SPTBN5: variants seen among roughly 807,000 people sequenced by gnomAD.
SPTBN5 encodes spectrin beta, non-erythrocytic 5.
A neutral mutation model predicts 477.6 loss-of-function variants in SPTBN5; 513 were observed. The ratio of observed to expected loss-of-function variants is 1.07; its 90% CI spans 1.00 to 1.16. The LOEUF is 1.16. SPTBN5 is among the 50% of genes most tolerant of loss of function. The pLI, the probability that SPTBN5 is intolerant of heterozygous loss-of-function variation, is 0.00. For missense variants in SPTBN5, 5,062 were observed against 4,731.8 expected (o/e 1.07, Z -2.05); for synonymous variants, 2,169 against 2,011.7 (o/e 1.08, Z -2.09).
chr15:41,870,263 G>C lies in SPTBN5; in HGVS notation c.5653C>G (p.Leu1885Val), dbSNP rs780863979. Residue 1885 changes from leucine (L) to valine (V), a missense_variant, in exon 31 of 68, where the codon CTC (leucine) becomes GTC (valine). Coordinates refer to ENST00000320955, the MANE Select transcript of SPTBN5 (RefSeq NM_016642.4). ...CTCACCTGCCGCTCGGTGCCCACGA[G>C]TTCTCGCTCCAGCCCCTGGTGGCTT... ...LRSHQGLERE[L>V]VGTERQLQEL... 2.2e-5 allele frequency: 34 copies of C among 1,551,054 alleles called. No individual in the cohort carries two copies. The highest frequency in any genetic ancestry group is 3.5e-6 in the Non-Finnish European group (4 of 1,147,574).
At chr15:41,886,582 G>A (rs1387503540) in intron 6 of SPTBN5, among the ~76,000 whole-genome samples, 1 of 152,198 alleles carries the variant, frequency 6.6e-6, no homozygotes, top group Non-Finnish European at 1.5e-5. Context: ...CTGAGGGTGA[G>A]GCTATCCTGC....
chr15:41,873,425 G>C (rs1469324252), intron 26 of SPTBN5, 67 bp downstream of exon 26: 1 of 1,225,636 alleles, frequency 8.2e-7, no homozygotes, highest in Non-Finnish European at 1.2e-6. Flanking sequence ...GAGGGAGGGT[G>C]ACAGCCCTCT....
In SPTBN5 at chr15:41,858,727, TCTCC is replaced by T; in HGVS notation, c.8097_8100del (p.Glu2700ArgfsTer110). 2 of 1,610,014 alleles carry T rather than the reference TCTCC, an allele frequency of 1.2e-6. No homozygotes were observed. Among genetic ancestry groups the T allele is most frequent in the Non-Finnish European group, 1.7e-6 (2 of 1,178,782 alleles). ...CCCTCCTCCAAGGCCACCAGGTTCTTCTCCCTCAGCCACGCAGCCACCTGGGCAC... is the reference window on the plus strand; with the variant it reads ...CCCTCCTCCAAGGCCACCAGGTTCTTCTCAGCCACGCAGCCACCTGGGCAC... On this transcript the variant is annotated frameshift_variant, in exon 49 of 68. Coordinates refer to ENST00000320955, the MANE Select transcript of SPTBN5 (RefSeq NM_016642.4). LOFTEE classifies it high-confidence loss of function.
chr15:41,855,494 A>G (rs2065906548), intron 54 of SPTBN5, 55 bp downstream of exon 54: 2 of 1,594,242 alleles, frequency 1.3e-6, no homozygotes, highest in Non-Finnish European at 1.7e-6. Context: ...GTCTCCTGCC[A>G]TCTCTGTAGG....
chr15:41,875,403 C>T, intron 22 of SPTBN5, 55 bp downstream of exon 22: 1 of 1,567,932 alleles, frequency 6.4e-7, no homozygotes, highest in East Asian at 2.3e-5. Flanking sequence ...CCGTTCTGTC[C>T]AGCCCAGCCA....
chr15:41,878,701 C>T, intron 16 of SPTBN5, 72 bp from the exon 17 acceptor site: 3 of 1,484,222 alleles, frequency 2.0e-6, no homozygotes, highest in Non-Finnish European at 2.7e-6. Flanking sequence ...TGTCCTCTCT[C>T]CAAACCTGCA....
At position 41,860,711 on chromosome 15, in the gene SPTBN5, C is replaced by T. The variant is rs762556454; in HGVS notation, c.7863G>A (p.Leu2621=). The part of the protein sequence containing the change: ...MEPLLWKHKM[L]EWDLEVQAGK... ...CCGCCTGCACCTCCAGGTCCCACTC[C>T]AGCATCTTGTGCTTCCACAGAAGGG... The change falls in exon 47 of 68, where the codon CTG becomes CTA. Residue 2621 remains leucine (L), a synonymous_variant. Transcript: ENST00000320955. The T allele has an allele frequency of 1.9e-5, 30 of 1,600,800 alleles. 1 individual carries two copies. The highest frequency in any genetic ancestry group is 2.6e-5 in the Non-Finnish European group (30 of 1,174,478).
intron 13 of SPTBN5, 85 bp downstream of exon 13, chr15:41,880,949 T>C (rs1296071999): frequency 1.2e-5 from 15 of 1,221,256 alleles, no homozygotes; most frequent in Non-Finnish European, 1.2e-6. Flanking sequence ...AACATGTCAG[T>C]CACTGCCTTG....
intron 56 of SPTBN5, 133 bp downstream of exon 56, chr15:41,854,649 G>C (rs760164681): frequency 1.4e-6 from 1 of 740,000 alleles, no homozygotes; most frequent in Non-Finnish European, 2.1e-6. Flanking sequence ...AGCAGGTGAG[G>C]GAAAAGGCAC....
intron 19 of SPTBN5, 79 bp from the exon 20 acceptor site, chr15:41,876,726 C>T: frequency 6.2e-7 from 1 of 1,604,584 alleles, no homozygotes. Context: ...CCCCCACCCC[C>T]TACTCTCCCA....
Position 41,848,642 on chromosome 15 carries a change from GGAAT to G in SPTBN5, c.11013-18_11013-15del. The stretch of plus-strand genomic sequence containing the variant: ...CAGGGATCAGACCTGTTGGGAAAAC[GGAAT>G]GAATTTAGTAGGGTATGGCCACCCC... On this transcript the variant is annotated splice_polypyrimidine_tract_variant and intron_variant, in intron 67 of 67. Transcript: ENST00000320955. 6.2e-7 allele frequency: 1 copy of G among 1,613,790 alleles called. No individual in the cohort carries two copies. Among genetic ancestry groups the G allele is most frequent in the Non-Finnish European group, 8.5e-7 (1 of 1,179,784 alleles).
intron 1 of SPTBN5, 76 bp from the exon 2 acceptor site, chr15:41,893,622 C>A: frequency 1.4e-6 from 2 of 1,439,700 alleles, no homozygotes; most frequent in Non-Finnish European, 9.1e-7. Flanking sequence ...CCCGCCTTGC[C>A]AGACTGTCCT....
In SPTBN5 at chr15:41,863,805, G is replaced by A. The variant is rs2066203656; in HGVS notation, c.7048C>T (p.His2350Tyr). ...SQLNNRWASFHGNLLRYQQQL... is the reference protein window; with the variant it reads ...SQLNNRWASFYGNLLRYQQQL... ...TGCTGGTACCGGAGCAAGTTGCCATGGAAACTCGCCCACCTGGCCAAGGGG... is the reference window on the plus strand; with the variant it reads ...TGCTGGTACCGGAGCAAGTTGCCATAGAAACTCGCCCACCTGGCCAAGGGG... Residue 2350 changes from histidine (H) to tyrosine (Y), a missense_variant, in exon 41 of 68, where the codon CAT (histidine) becomes TAT (tyrosine). Transcript: ENST00000320955. 1.2e-6 allele frequency: 2 copies of A among 1,613,756 alleles called. No homozygotes were observed. Among genetic ancestry groups the A allele is most frequent in the Non-Finnish European group, 1.7e-6 (2 of 1,179,884 alleles).
rs781755320 is a variant in SPTBN5 at position 41,860,654 on chromosome 15, G to A, written c.7920C>T (p.Arg2640=). Residue 2640 remains arginine, a synonymous_variant, in exon 47 of 68, where the codon CGC becomes CGT. Transcript: ENST00000320955. ...CGGGGTGCCCACCCTGGTGCAGGCCGCGGGCCGTGGCCTCCAGAGCACTGA... is the reference window on the plus strand; with the variant it reads ...CGGGGTGCCCACCCTGGTGCAGGCCACGGGCCGTGGCCTCCAGAGCACTGA... ...GKISALEATA[R]GLHQGGHPEA... The A allele has an allele frequency of 2.3e-5, 35 of 1,555,284 alleles. No homozygotes were observed. Among genetic ancestry groups the A allele is most frequent in the South Asian group, 6.0e-5 (5 of 83,128 alleles).
Position 41,888,008 on chromosome 15 carries a change from G to C in SPTBN5, c.579C>G (p.Ser193Arg). ...AATCTGTAATGTTCACGTTGGTGTA[G>C]CTGGCTGTCTTCCGCTGGCACCAGA... ...LLVWCQRKTA[S>R]YTNVNITDFS... is the part of the protein sequence containing the mutation. The change falls in exon 5 of 68, where the codon AGC (serine) becomes AGG (arginine). Residue 193 changes from serine to arginine, a missense_variant. By Grantham distance (110) the Ser-to-Arg change is moderately radical (BLOSUM62 -1). Coordinates refer to ENST00000320955, the MANE Select transcript of SPTBN5 (RefSeq NM_016642.4). The C allele has an allele frequency of 2.5e-6, 4 of 1,599,894 alleles. No individual in the cohort carries two copies. The highest frequency in any genetic ancestry group is 3.4e-6 in the Non-Finnish European group (4 of 1,173,580).
chr15:41,856,902 T>A lies in SPTBN5; in HGVS notation c.8759A>T (p.Asp2920Val). Residue 2920 changes from aspartate (D) to valine (V), a missense_variant, in exon 52 of 68, where the codon GAC (aspartate) becomes GTC (valine). Coordinates refer to ENST00000320955, the MANE Select transcript of SPTBN5 (RefSeq NM_016642.4). The part of the protein sequence containing the change: ...QEKLPLAAAQ[D>V]YGQSLSAVRH... ...CACCGCACTCAGGCTCTGGCCATAG[T>A]CCTGGGCAGCGGCCAGAGGCAGCTT... 6.4e-7 allele frequency: 1 copy of A among 1,552,868 alleles called. No homozygotes were observed. The highest frequency in any genetic ancestry group is 8.7e-7 in the Non-Finnish European group (1 of 1,148,328).
chr15:41,852,190 C>G lies in SPTBN5; in HGVS notation c.10576G>C (p.Asp3526His). 2.5e-6 allele frequency: 4 copies of G among 1,593,520 alleles called. No individual in the cohort carries two copies. The highest frequency in any genetic ancestry group is 3.4e-6 in the Non-Finnish European group (4 of 1,166,534). Residue 3526 changes from aspartate to histidine, a missense_variant, in exon 62 of 68, where the codon GAC becomes CAC. Transcript: ENST00000320955. ...GLGAQLAETR[D>H]PQDAKGTPTM... ...CCCATAGGGACACCTGCCTGGGGGTCCCTCGTCTCAGCCAGCTGTGCTCCT... is the reference window on the plus strand; with the variant it reads ...CCCATAGGGACACCTGCCTGGGGGTGCCTCGTCTCAGCCAGCTGTGCTCCT...
intron 12 of SPTBN5, 70 bp from the exon 13 acceptor site, chr15:41,881,304 C>T: frequency 1.5e-6 from 2 of 1,332,466 alleles, no homozygotes; most frequent in Non-Finnish European, 2.1e-6. Context: ...CAGGCCACCC[C>T]TACCTCCGTG....
chr15:41,864,731 G>A (rs571810200), intron 39 of SPTBN5, among the ~76,000 whole-genome samples: 3 of 152,344 alleles, frequency 2.0e-5, no homozygotes, highest in Admixed American at 6.5e-5. Flanking sequence ...CCCAGGACTC[G>A]TCTGAGCTGA....
Sources: allele counts gnomAD v4.1 joint callset (sites outside exome capture counted in the v4.1 genomes callset), GRCh38; gene constraint gnomAD v4.1.1; transcripts MANE v1.5; gene names NCBI Gene and HGNC (gene_info 2026-07-23, HGNC 2026-07-21).